Variants in KIF26B observed in about 807,000 individuals in gnomAD.
KIF26B encodes kinesin-like protein KIF26B.
Under a neutral mutation model 151.2 loss-of-function variants are expected in KIF26B, and 63 were observed. The ratio of observed to expected loss-of-function variants is 0.42; its 90% CI spans 0.34 to 0.51. The LOEUF is 0.51. Ranked by LOEUF, KIF26B falls within the 20% of genes least tolerant of loss-of-function variation. The probability of loss-of-function intolerance (pLI) is 0.07; values close to 1 mark genes in which losing one functional copy is unlikely to be tolerated. For synonymous variants in KIF26B, 1,357 were observed against 1,262.1 expected (o/e 1.08, Z -1.59); for missense variants, 2,813 against 2,913.6 (o/e 0.97, Z 0.79).
intron 12 of KIF26B, among the ~76,000 whole-genome samples, chr1:245,695,467 T>G (rs1051557240): frequency 7.9e-5 from 12 of 152,090 alleles, no homozygotes; most frequent in African/African-American, 2.7e-4. Context: ...AGGAACTGAG[T>G]ATCAATCCAT....
chr1:245,415,484 C>T (rs6704326), intron 3 of KIF26B, among the ~76,000 whole-genome samples: 19,535 of 152,062 alleles, frequency 0.13, 1,346 homozygotes, highest in Non-Finnish European at 0.15. Context: ...AGTTATCCAT[C>T]CAACTCAGCA....
rs561649575 is a variant in KIF26B, at chr1:245,709,310, T to C, written c.*6704T>C. 23 of 152,300 alleles carry C rather than the reference T, an allele frequency of 1.5e-4. No individual in the cohort carries two copies. The highest frequency in any genetic ancestry group is 5.5e-4 in the African/African-American group (23 of 41,554). 9.4% of individuals were successfully genotyped at this position (152,300 alleles called of 1,614,324 possible). A position where few individuals can be genotyped will look rare whatever the true frequency, so the allele number is the denominator to read the frequency against. Reference sequence around the variant, plus strand: ...TGTGGCATTTTCCAGTGTAAAGACATTGTTTGCTGGCTACGATCTCTGACT... The same window carrying C: ...TGTGGCATTTTCCAGTGTAAAGACACTGTTTGCTGGCTACGATCTCTGACT... On this transcript the variant is annotated 3_prime_UTR_variant, in exon 15 of 15. Transcript: ENST00000407071.
chr1:245,585,878 C>T (rs1223554266), intron 5 of KIF26B, among the ~76,000 whole-genome samples: 1 of 152,248 alleles, frequency 6.6e-6, no homozygotes, highest in Non-Finnish European at 1.5e-5. Flanking sequence ...GTCATCTACA[C>T]AATCCCTGCA....
chr1:245,503,360 A>G (rs985696564), intron 4 of KIF26B, among the ~76,000 whole-genome samples: 1 of 152,194 alleles, frequency 6.6e-6, no homozygotes, highest in African/African-American at 2.4e-5. Context: ...GGTAGTACCT[A>G]CCACCCTGTA....
chr1:245,538,238 A>G (rs1315214101), intron 4 of KIF26B, among the ~76,000 whole-genome samples: 2 of 152,154 alleles, frequency 1.3e-5, no homozygotes, highest in African/African-American at 4.8e-5. Flanking sequence ...GCTTATAGAT[A>G]ATGGAAGGAG....
chr1:245,585,819 C>T (rs2043218437), intron 5 of KIF26B, among the ~76,000 whole-genome samples: 1 of 152,174 alleles, frequency 6.6e-6, no homozygotes, highest in African/African-American at 2.4e-5. Context: ...TCATGCCAAT[C>T]ACATGGCTGC....
intron 4 of KIF26B, among the ~76,000 whole-genome samples, chr1:245,527,524 C>CTGTTTTTTTTT (rs1661263700): frequency 2.0e-5 from 1 of 50,710 alleles, no homozygotes; most frequent in Non-Finnish European, 3.2e-5. Flanking sequence ...TTTGGGATGG[C>CTGTTTTTTTTT]TTTTTTTTTT....
At chr1:245,235,536 T>A (rs1670089475) in intron 2 of KIF26B, among the ~76,000 whole-genome samples, 1 of 151,800 alleles carries the variant, frequency 6.6e-6, no homozygotes, top group Non-Finnish European at 1.5e-5. Flanking sequence ...GAGGTTGCAA[T>A]GAGCTATGAT....
At chr1:245,405,700 C>G (rs543475016) in intron 3 of KIF26B, among the ~76,000 whole-genome samples, 41 of 151,786 alleles carry the variant, frequency 2.7e-4, no homozygotes, top group African/African-American at 9.7e-4. Context: ...GAATCAGGAT[C>G]ACTCATCCCA....
intron 4 of KIF26B, among the ~76,000 whole-genome samples, chr1:245,456,746 T>C (rs1659541248): frequency 6.6e-6 from 1 of 152,280 alleles, no homozygotes; most frequent in Non-Finnish European, 1.5e-5. Flanking sequence ...CTGCTGTAGC[T>C]GGCCTCCTTT....
chr1:245,416,997 A>G (rs1674435696), intron 3 of KIF26B, among the ~76,000 whole-genome samples: 1 of 152,130 alleles, frequency 6.6e-6, no homozygotes, highest in South Asian at 2.1e-4. Context: ...AAAGAAACCA[A>G]AAAATGAGCT....
chr1:245,180,298 G>A (rs184604736), intron 2 of KIF26B, among the ~76,000 whole-genome samples: 2,638 of 147,470 alleles, frequency 0.018, 78 homozygotes, highest in African/African-American at 0.066. Flanking sequence ...GTAGCAGAGA[G>A]AGAGAGAGAG....
chr1:245,311,538 G>T (rs570093055), intron 2 of KIF26B, among the ~76,000 whole-genome samples: 1 of 152,150 alleles, frequency 6.6e-6, no homozygotes, highest in African/African-American at 2.4e-5. Flanking sequence ...GGAGTTCGAG[G>T]CTGCAGTGAG....
chr1:245,686,285 C>G lies in KIF26B; in HGVS notation c.3302C>G (p.Pro1101Arg). The G allele has an allele frequency of 1.2e-6, 2 of 1,613,042 alleles. No individual in the cohort carries two copies. The highest frequency in any genetic ancestry group is 1.7e-6 in the Non-Finnish European group (2 of 1,179,886). ...ACCCAGAAGGGGGTCCTGCCGTCTC[C>G]CGCCCCACTGCCTCCCTCGAGCAAG... Reference protein sequence around the residue: ...VYTQKGVLPSPAPLPPSSKDS... With the variant: ...VYTQKGVLPSRAPLPPSSKDS... Residue 1101 changes from proline to arginine, a missense_variant, in exon 12 of 15, where the codon CCC becomes CGC. Transcript: ENST00000407071. This position sits in a 1 kb window ranked among gnomAD's most constrained non-coding sequence, Gnocchi z 5.6.
At position 245,166,034 on chromosome 1, in the gene KIF26B, C is replaced by T. The variant is rs541656469; in HGVS notation, c.465+9351C>T. Among the ~76,000 whole-genome samples the T allele has an allele frequency of 1.3e-5, 2 of 152,308 alleles. No individual in the cohort carries two copies. The highest frequency in any genetic ancestry group is 6.5e-5 in the Admixed American group (1 of 15,312). On this transcript the variant is annotated intron_variant, in intron 2 of 14. Coordinates refer to ENST00000407071, the MANE Select transcript of KIF26B (RefSeq NM_018012.4). The surrounding 1 kb of genome is among the most constrained non-coding windows in gnomAD (Gnocchi z 4.5). ...GAACTACAATCAACAGACTTGCGTGCAAAACCAGGCTCCGTCACTTAGGGT... is the reference window on the plus strand; with the variant it reads ...GAACTACAATCAACAGACTTGCGTGTAAAACCAGGCTCCGTCACTTAGGGT...
intron 3 of KIF26B, among the ~76,000 whole-genome samples, chr1:245,382,865 G>A (rs1267593897): frequency 6.6e-6 from 1 of 151,264 alleles, no homozygotes; most frequent in African/African-American, 2.4e-5. Context: ...ACCACTCCTG[G>A]CTAGCACTGG....
chr1:245,417,222 A>G (rs889384628), intron 3 of KIF26B, among the ~76,000 whole-genome samples: 1 of 152,178 alleles, frequency 6.6e-6, no homozygotes, highest in African/African-American at 2.4e-5. Flanking sequence ...ATTTGTGAAT[A>G]GTGGTAGTGG....
intron 5 of KIF26B, among the ~76,000 whole-genome samples, chr1:245,545,804 T>TCAACG (rs11281697): frequency 6.6e-6 from 1 of 152,120 alleles, no homozygotes; most frequent in African/African-American, 2.4e-5. Context: ...CCTAAGTCAG[T>TCAACG]TCTTCATGAA....
intron 2 of KIF26B, among the ~76,000 whole-genome samples, chr1:245,314,466 G>GCAAA (rs948375860): frequency 6.6e-6 from 1 of 152,042 alleles, no homozygotes; most frequent in Non-Finnish European, 1.5e-5. Flanking sequence ...AAAAGAAAAA[G>GCAAA]CAAACAAACA....
Sources: allele counts gnomAD v4.1 joint callset (sites outside exome capture counted in the v4.1 genomes callset), GRCh38; gene constraint gnomAD v4.1.1; non-coding constraint Gnocchi (gnomAD v3.1); transcripts MANE v1.5; gene names NCBI Gene and HGNC (gene_info 2026-07-23, HGNC 2026-07-21).